Variants in CACHD1 observed in about 807,000 individuals in gnomAD.
CACHD1 encodes VWFA and cache domain-containing protein 1.
CACHD1 carries 71 observed loss-of-function variants against 138.7 expected under a neutral mutation model. The observed-to-expected ratio is 0.51, with a 90% CI of 0.42 to 0.62. The LOEUF (loss-of-function observed/expected upper bound fraction) is 0.62. Among genes scored for constraint, CACHD1 ranks in the 20% least tolerant of loss-of-function variants. The pLI is 0.00. For synonymous variants in CACHD1, 578 were observed against 591.5 expected, an observed-to-expected ratio of 0.98 and a Z score of 0.33; for missense variants, 1,389 against 1,625.3, an observed-to-expected ratio of 0.85 and a Z score of 2.50.
chr1:64,523,176 T>C (rs953502458), intron 1 of CACHD1, among the ~76,000 whole-genome samples: 3 of 152,220 alleles, frequency 2.0e-5, no homozygotes, highest in Non-Finnish European at 4.4e-5. Context: ...CAGAGTTTTA[T>C]GCAGACTAAT....
chr1:64,652,798 A>G (rs1649138254), intron 10 of CACHD1, among the ~76,000 whole-genome samples: 1 of 152,198 alleles, frequency 6.6e-6, no homozygotes, highest in South Asian at 2.1e-4. Context: ...CTTAGTGGGA[A>G]TGTAAATTAG....
intron 1 of CACHD1, among the ~76,000 whole-genome samples, chr1:64,505,541 G>GCGCCC (rs1181861115): frequency 6.1e-5 from 5 of 81,818 alleles, no homozygotes; most frequent in South Asian, 4.8e-4. Context: ...CCCCCGGGCC[G>GCGCCC]CGCCCCGCCC....
intron 4 of CACHD1, among the ~76,000 whole-genome samples, chr1:64,606,129 A>ACACACACACACACACACG (rs1158777478): frequency 1.3e-5 from 2 of 149,806 alleles, no homozygotes; most frequent in East Asian, 1.9e-4. Context: ...ACACACACAC[A>ACACACACACACACACACG]CGCACACACA....
chr1:64,647,853 G>C lies in CACHD1; in HGVS notation c.1209G>C (p.Gln403His), dbSNP rs1648960380. 6.2e-7 allele frequency: 1 copy of C among 1,614,202 alleles called. No individual in the cohort carries two copies. The highest frequency in any genetic ancestry group is 8.5e-7 in the Non-Finnish European group (1 of 1,180,030). The change falls in exon 9 of 27, where the codon CAG becomes CAC. Residue 403 changes from glutamine (Q) to histidine (H), a missense_variant. Around this residue, in one of 5 missense-constraint regions of CACHD1, gnomAD observed 1,000 missense variants for 1,114.7 expected, o/e 0.90. Coordinates refer to ENST00000651257, the MANE Select transcript of CACHD1 (RefSeq NM_020925.4). ...CTTTTCTGAGGGATCTAGCTGAACA[G>C]AATTCAGGGAAGTACGGTGTGCCAG... is the stretch of plus-strand genomic sequence containing the variant. ...ELAFLRDLAE[Q>H]NSGKYGVPDR... is the part of the protein sequence containing the mutation.
chr1:64,685,866 A>G (rs1650351750), intron 26 of CACHD1, among the ~76,000 whole-genome samples: 1 of 151,972 alleles, frequency 6.6e-6, no homozygotes, highest in Admixed American at 6.5e-5. Flanking sequence ...AAGAAAAAAA[A>G]AATGCTGGGT....
At chr1:64,580,239 C>T (rs1312211375) in intron 2 of CACHD1, among the ~76,000 whole-genome samples, 1 of 151,700 alleles carries the variant, frequency 6.6e-6, no homozygotes, top group Non-Finnish European at 1.5e-5. Flanking sequence ...GATTTTTTTT[C>T]CCTGATAAGT....
In CACHD1 at chr1:64,671,697, T is replaced by G. The variant is rs1436877588; in HGVS notation, c.2510+11T>G. On this transcript the variant is annotated intron_variant, in intron 17 of 26. Transcript: ENST00000651257. ...TGGCAACAAAATAAGGTAAGTGCTT[T>G]GGGGATGCTATTTCCTTTCTAGCTG... The G allele has an allele frequency of 6.8e-6, 11 of 1,613,830 alleles. No homozygotes were observed. Among genetic ancestry groups the G allele is most frequent in the Non-Finnish European group, 9.3e-6 (11 of 1,179,864 alleles).
At chr1:64,611,155 C>T (rs368959361) in intron 4 of CACHD1, among the ~76,000 whole-genome samples, 5 of 152,286 alleles carry the variant, frequency 3.3e-5, no homozygotes, top group Admixed American at 2.0e-4. Context: ...TGAGCCTGGC[C>T]AAAGAAACCA....
chr1:64,661,348 G>T (rs1327973961), intron 13 of CACHD1, among the ~76,000 whole-genome samples: 1 of 152,112 alleles, frequency 6.6e-6, no homozygotes, highest in African/African-American at 2.4e-5. Flanking sequence ...GTATAAATAA[G>T]CATGTCTACC....
At chr1:64,667,130 A>T (rs1649662163) in intron 16 of CACHD1, among the ~76,000 whole-genome samples, 1 of 152,186 alleles carries the variant, frequency 6.6e-6, no homozygotes, top group African/African-American at 2.4e-5. Flanking sequence ...ATGTCAGGGA[A>T]ATGTTTGGTG....
rs550819249 is a variant in CACHD1 at position 64,648,424 on chromosome 1, T to A, written c.1390+390T>A. Among the ~76,000 whole-genome samples, 84 of 152,310 alleles carry A rather than the reference T, an allele frequency of 5.5e-4. 1 individual carries two copies. The highest frequency in any genetic ancestry group is 1.9e-3 in the African/African-American group (78 of 41,564). The stretch of plus-strand genomic sequence containing the variant: ...GGGCTTTCAAATTCCATTCTTCCAC[T>A]TGAGGTGTTGTCCTTGGTAAGTTAT... On this transcript the variant is annotated intron_variant, in intron 9 of 26. Transcript: ENST00000651257.
intron 4 of CACHD1, among the ~76,000 whole-genome samples, chr1:64,617,730 T>A (rs74748800): frequency 1.4e-3 from 208 of 152,278 alleles, no homozygotes; most frequent in Non-Finnish European, 2.3e-3. Flanking sequence ...CCCATTCAGG[T>A]CACAGGGTTT....
At chr1:64,606,183 G>A (rs1215121779) in intron 4 of CACHD1, among the ~76,000 whole-genome samples, 1 of 151,728 alleles carries the variant, frequency 6.6e-6, no homozygotes, top group African/African-American at 2.4e-5. Context: ...AGGAGACATA[G>A]AAACAAGTGA....
intron 10 of CACHD1, 91 bp from the exon 11 acceptor site, chr1:64,653,666 GC>G: frequency 1.5e-6 from 2 of 1,334,800 alleles, no homozygotes; most frequent in South Asian, 1.4e-5. Flanking sequence ...GTATCGGGCA[GC>G]CAGCCCAGAG....
In CACHD1 at chr1:64,673,217, A is replaced by G; in HGVS notation, c.2570A>G (p.Lys857Arg). ...GCGCACCCGACTCTCATCGACCCCA[A>G]AGGACATGCACCTGTGGAGCAGCAG... ...LVAHPTLIDP[K>R]GHAPVEQQHI... Residue 857 changes from lysine to arginine, a missense_variant, in exon 18 of 27, where the codon AAA becomes AGA. Around this residue, in one of 5 missense-constraint regions of CACHD1, gnomAD observed 1,000 missense variants for 1,114.7 expected, o/e 0.90. Coordinates refer to ENST00000651257, the MANE Select transcript of CACHD1 (RefSeq NM_020925.4). 1 of 1,614,080 alleles carries G rather than the reference A, an allele frequency of 6.2e-7. No individual in the cohort carries two copies. Among genetic ancestry groups the G allele is most frequent in the Non-Finnish European group, 8.5e-7 (1 of 1,179,994 alleles).
intron 1 of CACHD1, among the ~76,000 whole-genome samples, chr1:64,503,474 A>AT (rs1646351277): frequency 6.6e-6 from 1 of 152,250 alleles, no homozygotes; most frequent in South Asian, 2.1e-4. Context: ...ATCTTTGTTC[A>AT]TACAAAGTAT....
intron 2 of CACHD1, among the ~76,000 whole-genome samples, chr1:64,567,857 GA>G (rs1646895347): frequency 6.6e-6 from 1 of 152,160 alleles, no homozygotes; most frequent in African/African-American, 2.4e-5. Flanking sequence ...GCTAAATGAG[GA>G]AAAGCAAGTT....
chr1:64,498,511 AT>A (rs1191827793), intron 1 of CACHD1, among the ~76,000 whole-genome samples: 3 of 152,206 alleles, frequency 2.0e-5, no homozygotes, highest in African/African-American at 7.2e-5. Context: ...GCTCAGCGCA[AT>A]GTGGCTTCTT....
In CACHD1 at chr1:64,524,734, C is replaced by G. The variant is rs116540212; in HGVS notation, c.199-25860C>G. On this transcript the variant is annotated intron_variant, in intron 1 of 26. Coordinates refer to ENST00000651257, the MANE Select transcript of CACHD1 (RefSeq NM_020925.4). ...CAGAATTAGAAAAAGCAAATGTATC[C>G]TTGAAATGTTTTTAAGTTACAAAAA... 2.9e-3 allele frequency among the ~76,000 whole-genome samples: 447 copies of G among 152,224 alleles called. 4 individuals carry two copies. The highest frequency in any genetic ancestry group is 0.01 in the African/African-American group (433 of 41,536).
Sources: gnomAD v4.1 joint callset for allele counts (sites outside exome capture counted in the v4.1 genomes callset) on GRCh38, gnomAD v4.1.1 for gene constraint, gnomAD v4.1.1 regional missense constraint, MANE v1.5 for transcripts, NCBI Gene and HGNC (gene_info 2026-07-23, HGNC 2026-07-21) for gene names.